HADHA: variants seen among roughly 807,000 people sequenced by gnomAD.
The protein encoded by HADHA is hydroxyacyl-CoA dehydrogenase trifunctional multienzyme complex subunit alpha, also known as trifunctional enzyme subunit alpha, mitochondrial.
HADHA carries 59 observed loss-of-function variants against 91.3 expected under a neutral mutation model. That is an observed-to-expected ratio of 0.65 (90% CI 0.52 to 0.80). The LOEUF is 0.80. Ranked by LOEUF, HADHA falls within the 30% of genes least tolerant of loss-of-function variation. The probability of loss-of-function intolerance (pLI) is 0.00; values close to 1 mark genes in which losing one functional copy is unlikely to be tolerated. For synonymous variants in HADHA, 320 were observed against 338.9 expected, an observed-to-expected ratio of 0.94 and a Z score of 0.61; for missense variants, 800 against 927.6, an observed-to-expected ratio of 0.86 and a Z score of 1.79.
At chr2:26,236,335 C>CG (rs1473206879) in intron 4 of HADHA, among the ~76,000 whole-genome samples, 10 of 132,654 alleles carry the variant, frequency 7.5e-5, no homozygotes, top group Admixed American at 6.9e-4. Context: ...CTCTAGATCA[C>CG]ATGATGTGTG....
chr2:26,244,624 A>C lies in HADHA; in HGVS notation c.-28T>G. 1 of 1,562,026 alleles carries C rather than the reference A, an allele frequency of 6.4e-7. No individual in the cohort carries two copies. The highest frequency in any genetic ancestry group is 1.4e-5 in the African/African-American group (1 of 73,704). ...TGAGCTGAAGAGGACAGCAGTGGAG[A>C]GCGCCTCTAACGGGTGCGGCCGAGC... is the stretch of plus-strand genomic sequence containing the variant. On this transcript the variant is annotated 5_prime_UTR_variant, in exon 1 of 20. Transcript: ENST00000380649.
chr2:26,230,723 C>T (rs995239305), intron 6 of HADHA, among the ~76,000 whole-genome samples: 8 of 151,952 alleles, frequency 5.3e-5, no homozygotes, highest in Non-Finnish European at 7.4e-5. Context: ...AGTTTGAGAC[C>T]AGCCTGGCCC....
intron 3 of HADHA, 32 bp downstream of exon 3, chr2:26,238,902 A>G: frequency 7.6e-7 from 1 of 1,322,996 alleles, no homozygotes; most frequent in Non-Finnish European, 1.1e-6. Context: ...TAATGCGGTT[A>G]GCAGAAAAAA....
intron 9 of HADHA, among the ~76,000 whole-genome samples, chr2:26,213,835 A>G (rs1670157479): frequency 6.6e-6 from 1 of 152,138 alleles, no homozygotes; most frequent in African/African-American, 2.4e-5. Flanking sequence ...CCTTCTACTC[A>G]AGATATACTT....
At chr2:26,243,898 T>C (rs1161910912) in intron 1 of HADHA, among the ~76,000 whole-genome samples, 3 of 152,124 alleles carry the variant, frequency 2.0e-5, no homozygotes, top group Non-Finnish European at 2.9e-5. Context: ...AAGGTAGAGG[T>C]ATTAGCGTAT....
intron 13 of HADHA, among the ~76,000 whole-genome samples, chr2:26,198,870 T>C (rs1669753083): frequency 6.6e-6 from 1 of 151,488 alleles, no homozygotes; most frequent in African/African-American, 2.4e-5. Flanking sequence ...GGCATCATAG[T>C]GAGACCCTAT....
chr2:26,217,743 G>T (rs1670274483), intron 7 of HADHA, among the ~76,000 whole-genome samples: 1 of 151,822 alleles, frequency 6.6e-6, no homozygotes, highest in African/African-American at 2.4e-5. Context: ...TCTACAAAAA[G>T]AATTTTTTTT....
chr2:26,215,135 G>A lies in HADHA; in HGVS notation c.717C>T (p.Tyr239=), dbSNP rs1016253580. The part of the protein sequence containing the change: ...LKPPEERTIE[Y]LEEVAITFAK... ...CAAAAGTAATTGCAACTTCTTCTAG[G>A]TATTCTATTGTCCGTTCCTCTGGAG... Residue 239 remains tyrosine, a synonymous_variant, in exon 8 of 20, where the codon TAC becomes TAT. Coordinates refer to ENST00000380649, the MANE Select transcript of HADHA (RefSeq NM_000182.5). The A allele has an allele frequency of 6.2e-7, 1 of 1,607,408 alleles. No homozygotes were observed. The highest frequency in any genetic ancestry group is 1.7e-5 in the Admixed American group (1 of 59,986).
intron 13 of HADHA, among the ~76,000 whole-genome samples, chr2:26,199,790 A>C (rs1011317578): frequency 6.6e-6 from 1 of 152,138 alleles, no homozygotes; most frequent in Non-Finnish European, 1.5e-5. Flanking sequence ...TTCTCTTGGA[A>C]GCCTGCAGCC....
intron 7 of HADHA, among the ~76,000 whole-genome samples, chr2:26,222,414 C>A (rs1670395614): frequency 6.6e-6 from 1 of 152,182 alleles, no homozygotes; most frequent in South Asian, 2.1e-4. Context: ...AGTGGATAGA[C>A]CTCTCTGAAT....
At chr2:26,195,678 C>T (rs1669648979) in intron 14 of HADHA, among the ~76,000 whole-genome samples, 1 of 152,124 alleles carries the variant, frequency 6.6e-6, no homozygotes, top group African/African-American at 2.4e-5. Flanking sequence ...GGTCTCACCA[C>T]CAGGATACTA....
chr2:26,196,653 C>A (rs1337127849), intron 14 of HADHA, among the ~76,000 whole-genome samples: 6 of 152,110 alleles, frequency 3.9e-5, no homozygotes, highest in Non-Finnish European at 7.4e-5. Context: ...TTTGGCCTTA[C>A]TTTTAAATGA....
intron 11 of HADHA, among the ~76,000 whole-genome samples, chr2:26,206,226 ATTTTT>A: frequency 7.2e-6 from 1 of 139,590 alleles, no homozygotes; most frequent in Admixed American, 7.3e-5. Context: ...CAGACTGGCA[ATTTTT>A]TTTTTTTTTT....
Position 26,214,552 on chromosome 2 carries a change from G to A in HADHA, c.809C>T (p.Ala270Val), listed in dbSNP as rs141429393. ...RDKGLVEKLT[A>V]YAMTIPFVRQ... is the part of the protein sequence containing the mutation. Reference sequence around the variant, plus strand: ...GACAAATGGAATAGTCATGGCATACGCTGTCAATTCTGTAAAATAAAATGC... The same window carrying A: ...GACAAATGGAATAGTCATGGCATACACTGTCAATTCTGTAAAATAAAATGC... Residue 270 changes from alanine to valine, a missense_variant, in exon 9 of 20, where the codon GCG becomes GTG. Physicochemically the swap from Ala to Val is moderately conservative, Grantham distance 64. Transcript: ENST00000380649. The surrounding 1 kb of genome is among the most constrained non-coding windows in gnomAD (Gnocchi z 4.1). 1.6e-4 allele frequency: 256 copies of A among 1,557,026 alleles called. No individual in the cohort carries two copies. The African/African-American group carries it at 2.0e-3, about 12-fold the overall frequency.
rs369070460 is a variant in HADHA, at chr2:26,212,765, C to G, written c.919-139G>C. 4.3e-4 allele frequency: 316 copies of G among 732,402 alleles called. No homozygotes were observed. In the East Asian group the frequency reaches 6.0e-3, roughly 14 times the overall value. The allele number at this position is 732,402 out of a possible 1,614,324, so 45.4% of individuals were successfully genotyped here. ...GACTGGAATGAGAAAGAGAAGAGGACTGAGGATCTGGCTGCTCTCGACTGA... is the reference window on the plus strand; with the variant it reads ...GACTGGAATGAGAAAGAGAAGAGGAGTGAGGATCTGGCTGCTCTCGACTGA... On this transcript the variant is annotated intron_variant, in intron 9 of 19. Coordinates refer to ENST00000380649, the MANE Select transcript of HADHA (RefSeq NM_000182.5).
At chr2:26,196,418 A>G (rs563013069) in intron 14 of HADHA, among the ~76,000 whole-genome samples, 19 of 152,372 alleles carry the variant, frequency 1.2e-4, no homozygotes, top group African/African-American at 4.6e-4. Context: ...TCTATATAAT[A>G]AAATGCACAG....
At chr2:26,225,849 G>A (rs768085049) in intron 7 of HADHA, among the ~76,000 whole-genome samples, 1 of 151,970 alleles carries the variant, frequency 6.6e-6, no homozygotes, top group African/African-American at 2.4e-5. Flanking sequence ...AGACATTGTG[G>A]TAAGTCAAGA....
At chr2:26,237,309 T>C (rs943978268) in intron 3 of HADHA, among the ~76,000 whole-genome samples, 1 of 152,046 alleles carries the variant, frequency 6.6e-6, no homozygotes, top group African/African-American at 2.4e-5. Flanking sequence ...ATCTGCATAA[T>C]GTTAAGAAAA....
intron 5 of HADHA, among the ~76,000 whole-genome samples, chr2:26,233,502 C>T (rs571386125): frequency 6.6e-6 from 1 of 152,266 alleles, no homozygotes; most frequent in South Asian, 2.1e-4. Context: ...ATGTTCGGGT[C>T]TAGTAAGCAT....
Sources: gnomAD v4.1 joint callset for allele counts (sites outside exome capture counted in the v4.1 genomes callset) on GRCh38, gnomAD v4.1.1 for gene constraint, Gnocchi (gnomAD v3.1) non-coding constraint, MANE v1.5 for transcripts, NCBI Gene and HGNC (gene_info 2026-07-23, HGNC 2026-07-21) for gene names.